The following NCAPG variants were observed in gnomAD, a reference collection of about 807,000 sequenced individuals.
NCAPG encodes the protein non-SMC condensin I complex subunit G.
NCAPG carries 69 observed loss-of-function variants against 113.1 expected under a neutral mutation model. The observed-to-expected ratio is 0.61, with a 90% CI of 0.50 to 0.75. The LOEUF (loss-of-function observed/expected upper bound fraction) is 0.75, where lower values mean the gene tolerates loss of function less well. Ranked by LOEUF, NCAPG falls within the 30% of genes least tolerant of loss-of-function variation. NCAPG has a pLI of 0.00. For synonymous variants in NCAPG, 370 were observed against 415.8 expected, an observed-to-expected ratio of 0.89 and a Z score of 1.34; for missense variants, 1,058 against 1,177.0, an observed-to-expected ratio of 0.90 and a Z score of 1.48.
chr4:17,840,170 G>A lies in NCAPG; in HGVS notation c.2728G>A (p.Asp910Asn). ...EFGDQAEAAQDATLTTTTFQN... is the reference protein window; with the variant it reads ...EFGDQAEAAQNATLTTTTFQN... ...TGGTGACCAAGCTGAAGCAGCACAG[G>A]ATGCCACCTTGACTACAACTACTTT... Residue 910 changes from aspartate (D) to asparagine (N), a missense_variant, in exon 18 of 21, where the codon GAT becomes AAT. Coordinates refer to ENST00000251496, the MANE Select transcript of NCAPG (RefSeq NM_022346.5). 6.2e-7 allele frequency: 1 copy of A among 1,609,432 alleles called. No homozygotes were observed. The highest frequency in any genetic ancestry group is 1.3e-5 in the African/African-American group (1 of 74,674).
At position 17,816,909 on chromosome 4, in the gene NCAPG, C is replaced by T. The variant is rs140000492; in HGVS notation, c.776-352C>T. Among the ~76,000 whole-genome samples, 1,024 of 152,136 alleles carry T rather than the reference C, an allele frequency of 6.7e-3. 15 individuals are homozygous for T. Among genetic ancestry groups the T allele is most frequent in the African/African-American group, 0.024 (986 of 41,512 alleles). On this transcript the variant is annotated intron_variant, in intron 5 of 20. Transcript: ENST00000251496. ...CAGCACTTTTGGAGGCCGAGGCAGG[C>T]GGATCACGAGGTCAAGAGATTGAGA...
intron 18 of NCAPG, 80 bp downstream of exon 18, chr4:17,840,289 C>CT: frequency 7.2e-7 from 1 of 1,387,498 alleles, no homozygotes; most frequent in Non-Finnish European, 9.5e-7. Context: ...TTTTTCTACT[C>CT]TAACATGTTT....
Position 17,812,977 on chromosome 4 carries a change from T to A in NCAPG, c.376T>A (p.Leu126Met). 1.2e-6 allele frequency: 2 copies of A among 1,614,026 alleles called. No homozygotes were observed. The highest frequency in any genetic ancestry group is 1.7e-6 in the Non-Finnish European group (2 of 1,179,958). ...FRVCLLINKL[L>M]GSMPENAQID... The stretch of plus-strand genomic sequence containing the variant: ...AGTGTGCCTGCTCATAAACAAGCTT[T>A]TGGGAAGTATGCCAGAAAATGCTCA... The change falls in exon 3 of 21, where the codon TTG becomes ATG. Residue 126 changes from leucine (L) to methionine (M), a missense_variant. Physicochemically the swap from Leu to Met is conservative, Grantham distance 15. Coordinates refer to ENST00000251496, the MANE Select transcript of NCAPG (RefSeq NM_022346.5).
intron 3 of NCAPG, among the ~76,000 whole-genome samples, chr4:17,813,579 A>T (rs2109042467): frequency 6.6e-6 from 1 of 152,272 alleles, no homozygotes; most frequent in East Asian, 1.9e-4. Flanking sequence ...TACTATTTTA[A>T]AAAATTCATT....
In NCAPG at chr4:17,844,253, T is replaced by TTGAC. The variant is rs1173779565; in HGVS notation, c.*829_*832dup. 12 of 152,462 alleles carry TTGAC rather than the reference T, an allele frequency of 7.9e-5. No homozygotes were observed. Among genetic ancestry groups the TTGAC allele is most frequent in the African/African-American group, 2.9e-4 (12 of 41,454 alleles). The allele number at this position is 152,462 out of a possible 1,614,324, so 9.4% of individuals were successfully genotyped here. A position where few individuals can be genotyped will look rare whatever the true frequency, so the allele number is the denominator to read the frequency against. On this transcript the variant is annotated 3_prime_UTR_variant, in exon 21 of 21. Coordinates refer to ENST00000251496, the MANE Select transcript of NCAPG (RefSeq NM_022346.5). ...CAATTTCATTTCTTGTCTTTTGAAATTGACACTTGGCCTGACTTACGAAAC... is the reference window on the plus strand; with the variant it reads ...CAATTTCATTTCTTGTCTTTTGAAATTGACTGACACTTGGCCTGACTTACGAAAC...
In NCAPG at chr4:17,811,943, T is replaced by C. The variant is rs1010563724; in HGVS notation, c.112-278T>C. 2.0e-5 allele frequency among the ~76,000 whole-genome samples: 3 copies of C among 152,198 alleles called. No homozygotes were observed. The highest frequency in any genetic ancestry group is 4.4e-5 in the Non-Finnish European group (3 of 68,040). On this transcript the variant is annotated intron_variant, in intron 1 of 20. Transcript: ENST00000251496. The surrounding 1 kb of genome is among the most constrained non-coding windows in gnomAD (Gnocchi z 5.3). ...AAGAAGCGTATTTGTAACGTACTGG[T>C]ACTAAAGGCTTATTGAGAATCAAAG...
At chr4:17,823,229 A>C in intron 8 of NCAPG, 106 bp downstream of exon 8, 1 of 1,119,688 alleles carries the variant, frequency 8.9e-7, no homozygotes, top group South Asian at 1.5e-5. Flanking sequence ...AGCTCTCTAA[A>C]GTGGTATAAA....
intron 15 of NCAPG, 93 bp from the exon 16 acceptor site, chr4:17,837,514 TAGATGAAAATGCACTTAATG>T: frequency 7.4e-7 from 1 of 1,343,942 alleles, no homozygotes; most frequent in Non-Finnish European, 1.0e-6. Context: ...GGCTCTTTCC[TAGATGAAAATGCACTTAATG>T]AGTGAATTTC....
Position 17,843,346 on chromosome 4 carries a change from T to A in NCAPG, c.2969T>A (p.Leu990Gln). The A allele has an allele frequency of 1.2e-6, 2 of 1,611,968 alleles. No individual in the cohort carries two copies. The highest frequency in any genetic ancestry group is 1.7e-6 in the Non-Finnish European group (2 of 1,178,304). ...CCAGAATCAGAAATGAAGATGAGACTACCAAGACGAGCCAAAACCGCAGCA... is the reference window on the plus strand; with the variant it reads ...CCAGAATCAGAAATGAAGATGAGACAACCAAGACGAGCCAAAACCGCAGCA... ...PEPESEMKMR[L>Q]PRRAKTAALE... The change falls in exon 21 of 21, where the codon CTA becomes CAA. Residue 990 changes from leucine to glutamine, a missense_variant. Leu to Gln is a moderately radical substitution (Grantham distance 113). Transcript: ENST00000251496.
Position 17,831,070 on chromosome 4 carries a change from T to C in NCAPG, c.1838T>C (p.Leu613Pro). The change falls in exon 13 of 21, where the codon CTA (leucine) becomes CCA (proline). Residue 613 changes from leucine (L) to proline (P), a missense_variant. Leu to Pro is a moderately conservative substitution (Grantham distance 98, BLOSUM62 -3). Transcript: ENST00000251496. ...GTTTTATGCTTGGGATGCTGTGGAC[T>C]ACAGAATCAGGATTTTGCAAGGAAA... ...LAVLCLGCCG[L>P]QNQDFARKHF... 2.5e-6 allele frequency: 4 copies of C among 1,613,640 alleles called. No homozygotes were observed. Among genetic ancestry groups the C allele is most frequent in the Non-Finnish European group, 3.4e-6 (4 of 1,179,662 alleles).
Position 17,815,949 on chromosome 4 carries a change from CCT to C in NCAPG, c.775+600_775+601del, listed in dbSNP as rs555784130. On this transcript the variant is annotated intron_variant, in intron 5 of 20. Transcript: ENST00000251496. Reference sequence around the variant, plus strand: ...CAGAAGTAGGAAAAGATCTATTTGCCCTCTCTCTCTGACTTAAAAAAAAAATG... The same window carrying C: ...CAGAAGTAGGAAAAGATCTATTTGCCCTCTCTCTGACTTAAAAAAAAAATG... Among the ~76,000 whole-genome samples the C allele has an allele frequency of 9.9e-5, 15 of 151,594 alleles. No homozygotes were observed. The East Asian group carries it at 2.9e-3, about 29-fold the overall frequency.
intron 13 of NCAPG, among the ~76,000 whole-genome samples, chr4:17,831,542 G>A (rs1173574818): frequency 1.3e-5 from 2 of 152,160 alleles, no homozygotes; most frequent in East Asian, 1.9e-4. Context: ...TAAGCAGTGG[G>A]AAGGAGGAGA....
intron 7 of NCAPG, 81 bp downstream of exon 7, chr4:17,818,169 G>A: frequency 7.0e-7 from 1 of 1,421,148 alleles, no homozygotes; most frequent in Non-Finnish European, 9.5e-7. Flanking sequence ...TCAAAGTCAT[G>A]TTTGATTGTG....
At chr4:17,822,860 G>T in intron 7 of NCAPG, 123 bp from the exon 8 acceptor site, 2 of 613,286 alleles carry the variant, frequency 3.3e-6, no homozygotes, top group Non-Finnish European at 5.2e-6. Context: ...CAAATTACAT[G>T]GCATAGATAT....
At chr4:17,839,403 G>A (rs1722237110) in intron 16 of NCAPG, among the ~76,000 whole-genome samples, 1 of 152,118 alleles carries the variant, frequency 6.6e-6, no homozygotes, top group African/African-American at 2.4e-5. Flanking sequence ...ACTGCAGCTG[G>A]GAACTTTTAC....
At chr4:17,815,899 T>C (rs1721185563) in intron 5 of NCAPG, among the ~76,000 whole-genome samples, 1 of 152,132 alleles carries the variant, frequency 6.6e-6, no homozygotes, top group African/African-American at 2.4e-5. Context: ...GAAACAATAC[T>C]TAAGTCTGTA....
chr4:17,815,233 T>C, intron 4 of NCAPG, 41 bp from the exon 5 acceptor site: 1 of 1,496,646 alleles, frequency 6.7e-7, no homozygotes, highest in Non-Finnish European at 9.1e-7. Context: ...ATCTATAAAT[T>C]GTGTTGAGGT....
Position 17,811,216 on chromosome 4 carries a change from C to T in NCAPG, c.111+28C>T. On this transcript the variant is annotated intron_variant, in intron 1 of 20. Transcript: ENST00000251496. This position sits in a 1 kb window ranked among gnomAD's most constrained non-coding sequence, Gnocchi z 5.3. ...AAGCGCTCCCGGCCCCGGCCGCCGC[C>T]TCTCGCCCGCCCCGGCCCACCCTCC... 1 of 1,387,058 alleles carries T rather than the reference C, an allele frequency of 7.2e-7. No individual in the cohort carries two copies. Among genetic ancestry groups the T allele is most frequent in the Middle Eastern group, 2.6e-4 (1 of 3,832 alleles). 85.9% of individuals were successfully genotyped at this position (1,387,058 alleles called of 1,614,324 possible). A position where few individuals can be genotyped will look rare whatever the true frequency, so the allele number is the denominator to read the frequency against.
In NCAPG at chr4:17,811,183, C is replaced by T. The variant is rs1720915390; in HGVS notation, c.106C>T (p.Arg36Cys). The T allele has an allele frequency of 6.8e-7, 1 of 1,481,276 alleles. No homozygotes were observed. Among genetic ancestry groups the T allele is most frequent in the Non-Finnish European group, 9.0e-7 (1 of 1,110,310 alleles). The allele number at this position is 1,481,276 out of a possible 1,614,324, so 91.8% of individuals were successfully genotyped here. Reference sequence around the variant, plus strand: ...GGTGGTGGCGCTGAGCCGCACCTACCGCACGGTAAGCGCTCCCGGCCCCGG... The same window carrying T: ...GGTGGTGGCGCTGAGCCGCACCTACTGCACGGTAAGCGCTCCCGGCCCCGG... Reference protein sequence around the residue: ...KLVVALSRTYRTMDDKTVFHE... With the variant: ...KLVVALSRTYCTMDDKTVFHE... The change falls in exon 1 of 21, where the codon CGC (arginine) becomes TGC (cysteine). Residue 36 changes from arginine (R) to cysteine (C), a missense_variant. Physicochemically the swap from Arg to Cys is radical, Grantham distance 180 (BLOSUM62 -3). Coordinates refer to ENST00000251496, the MANE Select transcript of NCAPG (RefSeq NM_022346.5). This position sits in a 1 kb window ranked among gnomAD's most constrained non-coding sequence, Gnocchi z 5.3.
Sources: allele counts gnomAD v4.1 joint callset (sites outside exome capture counted in the v4.1 genomes callset), GRCh38; gene constraint gnomAD v4.1.1; non-coding constraint Gnocchi (gnomAD v3.1); transcripts MANE v1.5; gene names NCBI Gene and HGNC (gene_info 2026-07-23, HGNC 2026-07-21).